ANKFN1: variants seen among roughly 807,000 people sequenced by gnomAD.
The protein encoded by ANKFN1 is ankyrin repeat and fibronectin type-III domain-containing protein 1.
Under a neutral mutation model 108.7 loss-of-function variants are expected in ANKFN1, and 74 were observed. That is an observed-to-expected ratio of 0.68 (90% confidence interval 0.56 to 0.83). The LOEUF is 0.83. Ranked by LOEUF, ANKFN1 falls within the 40% of genes least tolerant of loss-of-function variation. The probability of loss-of-function intolerance (pLI) is 0.00; values close to 1 mark genes in which losing one functional copy is unlikely to be tolerated. For missense variants in ANKFN1, 1,505 were observed against 1,382.3 expected, an observed-to-expected ratio of 1.09 and a Z score of -1.41; for synonymous variants, 547 against 516.2, an observed-to-expected ratio of 1.06 and a Z score of -0.81.
chr17:56,262,405 G>T (rs982850302), intron 3 of ANKFN1, among the ~76,000 whole-genome samples: 2 of 152,188 alleles, frequency 1.3e-5, no homozygotes, highest in Admixed American at 6.5e-5. Context: ...TGTCGTCAAG[G>T]CTCGTTAAAG....
chr17:56,199,744 G>A lies in ANKFN1; in HGVS notation c.-70-12854G>A, dbSNP rs562212633. 2.4e-3 allele frequency among the ~76,000 whole-genome samples: 358 copies of A among 152,174 alleles called. 1 individual carries two copies. The highest frequency in any genetic ancestry group is 8.2e-3 in the African/African-American group (339 of 41,512). ...GACACCCAGTGAAATCTGAATTTTC[G>A]ATAAACAACAAATACGCTTTTAGTA... On this transcript the variant is annotated intron_variant, in intron 1 of 20. Coordinates refer to ENST00000682825, the MANE Select transcript of ANKFN1 (RefSeq NM_001370326.1).
chr17:56,404,286 T>C (rs750818982), intron 8 of ANKFN1, among the ~76,000 whole-genome samples: 2 of 152,210 alleles, frequency 1.3e-5, no homozygotes, highest in Non-Finnish European at 2.9e-5. Flanking sequence ...CTCTTCTTCC[T>C]CAGGAACACC....
rs1200204025 is a variant in ANKFN1, at chr17:56,511,976, A to C, written c.*707A>C. On this transcript the variant is annotated 3_prime_UTR_variant, in exon 21 of 21. Transcript: ENST00000682825. The stretch of plus-strand genomic sequence containing the variant: ...TTCAGCTCTACCTTGCAAAGATAGA[A>C]TAGGACAGAAAGTAGCCCTTCCTGT... 6.6e-6 allele frequency among the ~76,000 whole-genome samples: 1 copy of C among 152,230 alleles called. No individual in the cohort carries two copies. The highest frequency in any genetic ancestry group is 2.4e-5 in the African/African-American group (1 of 41,458).
rs2051850230 is a variant in ANKFN1, at chr17:56,514,181, C to T, written c.*2912C>T. 6.6e-6 allele frequency among the ~76,000 whole-genome samples: 1 copy of T among 152,112 alleles called. No homozygotes were observed. The highest frequency in any genetic ancestry group is 2.4e-5 in the African/African-American group (1 of 41,418). ...TTCTTTTCCAGGGTTTTCTAACATG[C>T]TTGATCAGCTTTCATCATTTGTGAA... On this transcript the variant is annotated 3_prime_UTR_variant, in exon 21 of 21. Transcript: ENST00000682825.
chr17:56,046,462 C>G (rs1409472319), intron 4 of ANKFN1: 1 of 152,114 alleles, frequency 6.6e-6, no homozygotes, highest in Non-Finnish European at 1.5e-5. Context: ...CCTCCTCTTC[C>G]AAAGGAGGTA....
rs2049982681 is a variant in ANKFN1 at position 56,513,475 on chromosome 17, A to G, written c.*2206A>G. Among the ~76,000 whole-genome samples the G allele has an allele frequency of 6.6e-6, 1 of 152,224 alleles. No homozygotes were observed. Among genetic ancestry groups the G allele is most frequent in the Admixed American group, 6.5e-5 (1 of 15,280 alleles). ...CTTATTTCTAATTATAAAATGGATT[A>G]CTTTGTTCAATGAGTTTGTGAGATG... On this transcript the variant is annotated 3_prime_UTR_variant, in exon 21 of 21. Transcript: ENST00000682825.
intron 10 of ANKFN1, among the ~76,000 whole-genome samples, chr17:56,444,013 A>T (rs1415524395): frequency 6.6e-6 from 1 of 152,152 alleles, no homozygotes; most frequent in Non-Finnish European, 1.5e-5. Context: ...TACGTCTAGG[A>T]CTCTACCCTA....
chr17:56,471,880 C>G (rs993051407), intron 15 of ANKFN1: 4 of 152,190 alleles, frequency 2.6e-5, no homozygotes, highest in African/African-American at 4.8e-5. Flanking sequence ...GTTTCAGGAA[C>G]AGCAGGCGGA....
chr17:56,276,050 C>T (rs539452286), intron 3 of ANKFN1, among the ~76,000 whole-genome samples: 20 of 152,092 alleles, frequency 1.3e-4, no homozygotes, highest in African/African-American at 4.8e-4. Flanking sequence ...CAGAGTGTGA[C>T]ATTCCCCACC....
intron 4 of ANKFN1, among the ~76,000 whole-genome samples, chr17:56,109,499 A>G (rs1905837840): frequency 6.6e-6 from 1 of 152,142 alleles, no homozygotes; most frequent in Non-Finnish European, 1.5e-5. Context: ...AGAAATTTCC[A>G]ATGTCCCATG....
chr17:56,328,039 G>A (rs77657742), intron 4 of ANKFN1, among the ~76,000 whole-genome samples: 7 of 152,078 alleles, frequency 4.6e-5, no homozygotes, highest in Non-Finnish European at 8.8e-5. Flanking sequence ...GAGAAGTGAT[G>A]TTAAAAAAAT....
intron 3 of ANKFN1, among the ~76,000 whole-genome samples, chr17:56,305,673 T>A (rs935409390): frequency 5.3e-5 from 8 of 152,224 alleles, no homozygotes; most frequent in Non-Finnish European, 7.3e-5. Context: ...CATTTTTTAA[T>A]GTTATGGATG....
chr17:56,499,337 G>A (rs1392256846), intron 20 of ANKFN1, among the ~76,000 whole-genome samples: 1 of 152,060 alleles, frequency 6.6e-6, no homozygotes, highest in African/African-American at 2.4e-5. Context: ...CCAGTTCTAG[G>A]TCACACTTAC....
intron 1 of ANKFN1, among the ~76,000 whole-genome samples, chr17:56,167,286 T>C (rs868577231): frequency 2.6e-4 from 32 of 122,926 alleles, no homozygotes; most frequent in East Asian, 1.0e-3. Context: ...TATATATATA[T>C]ACACACACAT....
chr17:56,079,833 G>A (rs964261079), intron 4 of ANKFN1, among the ~76,000 whole-genome samples: 54 of 152,238 alleles, frequency 3.5e-4, no homozygotes, highest in African/African-American at 1.3e-3. Context: ...AAAAACATTG[G>A]CACATTTGAG....
intron 18 of ANKFN1, among the ~76,000 whole-genome samples, chr17:56,487,393 T>C (rs980265026): frequency 6.6e-6 from 1 of 152,154 alleles, no homozygotes; most frequent in African/African-American, 2.4e-5. Context: ...AGGACTTGCC[T>C]AGCCTGCACA....
intron 4 of ANKFN1, among the ~76,000 whole-genome samples, chr17:56,102,294 G>A (rs752151735): frequency 1.3e-4 from 20 of 151,914 alleles, no homozygotes; most frequent in Admixed American, 7.2e-4. Flanking sequence ...TTTACTATAC[G>A]GTCAATTATA....
At chr17:56,130,221 G>A (rs1212716829) in intron 4 of ANKFN1, among the ~76,000 whole-genome samples, 1 of 152,204 alleles carries the variant, frequency 6.6e-6, no homozygotes, top group African/African-American at 2.4e-5. Flanking sequence ...GTCTTGCTCA[G>A]GAGGCAGTGA....
In ANKFN1 at chr17:56,458,048, T is replaced by C. The variant is rs112313499; in HGVS notation, c.1557+69T>C. 9.2e-4 allele frequency: 1,199 copies of C among 1,308,566 alleles called. 5 individuals carry two copies. The highest frequency in any genetic ancestry group is 8.6e-3 in the African/African-American group (591 of 68,346). The allele number at this position is 1,308,566 out of a possible 1,614,324, so 81.1% of individuals were successfully genotyped here. ...TTAATGTAGAAAATTCAGTTACCAG[T>C]CCTACCTAGAAAGGAAAAGGATGGG... On this transcript the variant is annotated intron_variant, in intron 14 of 20. Coordinates refer to ENST00000682825, the MANE Select transcript of ANKFN1 (RefSeq NM_001370326.1).
Sources: allele counts gnomAD v4.1 joint callset (sites outside exome capture counted in the v4.1 genomes callset), GRCh38; gene constraint gnomAD v4.1.1; transcripts MANE v1.5; gene names NCBI Gene and HGNC (gene_info 2026-07-23, HGNC 2026-07-21).